The following GPC6 variants were observed in gnomAD, a reference collection of about 807,000 sequenced individuals.
The protein encoded by GPC6 is glypican 6.
In GPC6, 14 loss-of-function variants were observed where a neutral mutation model predicts 55.2. The observed-to-expected ratio is 0.25, with a 90% CI of 0.17 to 0.40. The LOEUF is 0.40. GPC6 is among the 10% of genes least tolerant of loss of function. The probability of loss-of-function intolerance (pLI) is 1.00; values close to 1 mark genes in which losing one functional copy is unlikely to be tolerated. For synonymous variants in GPC6, 278 were observed against 259.6 expected, an observed-to-expected ratio of 1.07 and a Z score of -0.68; for missense variants, 641 against 708.5, an observed-to-expected ratio of 0.90 and a Z score of 1.08.
chr13:94,384,341 C>A (rs901080881), intron 7 of GPC6, among the ~76,000 whole-genome samples: 103 of 152,252 alleles, frequency 6.8e-4, no homozygotes, highest in Non-Finnish European at 1.6e-4. Context: ...GTGTATTTTC[C>A]CGATGACTGT....
At chr13:93,484,159 A>G (rs1406291432) in intron 1 of GPC6, among the ~76,000 whole-genome samples, 1 of 100,322 alleles carries the variant, frequency 1.0e-5, no homozygotes, top group East Asian at 2.0e-4. Context: ...CCATAGCAAC[A>G]GTTTTTTTGG....
chr13:94,373,852 T>C (rs1412778987), intron 6 of GPC6, among the ~76,000 whole-genome samples: 1 of 152,062 alleles, frequency 6.6e-6, no homozygotes, highest in Non-Finnish European at 1.5e-5. Flanking sequence ...CCCATCAGAC[T>C]AACAGCGGAT....
intron 1 of GPC6, among the ~76,000 whole-genome samples, chr13:93,275,042 C>T (rs558884656): frequency 6.6e-6 from 1 of 152,292 alleles, no homozygotes; most frequent in South Asian, 2.1e-4. Context: ...TTCCAGCCTA[C>T]TGAATTTAAG....
At chr13:94,074,089 A>T (rs1884828059) in intron 4 of GPC6, among the ~76,000 whole-genome samples, 1 of 152,234 alleles carries the variant, frequency 6.6e-6, no homozygotes, top group African/African-American at 2.4e-5. Flanking sequence ...ATATTTTCTC[A>T]GAAGTACAAA....
At position 93,830,360 on chromosome 13, in the gene GPC6, A is replaced by T. The variant is rs1340401301; in HGVS notation, c.526A>T (p.Ile176Leu). ...ARLLERMFQL[I>L]NPQYHFSEDY... ...GCTCCTGGAACGGATGTTTCAGCTG[A>T]TAAACCCTCAGTATCACTTCAGTGA... Residue 176 changes from isoleucine to leucine, a missense_variant, in exon 3 of 9, where the codon ATA becomes TTA. Physicochemically the swap from Ile to Leu is conservative, Grantham distance 5 (BLOSUM62 2). Transcript: ENST00000377047. 1 of 1,613,818 alleles carries T rather than the reference A, an allele frequency of 6.2e-7. No homozygotes were observed.
intron 1 of GPC6, among the ~76,000 whole-genome samples, chr13:93,376,593 G>A (rs1464312448): frequency 1.3e-5 from 2 of 152,188 alleles, no homozygotes; most frequent in East Asian, 1.9e-4. Context: ...AGACAGACAA[G>A]GCTTGAAAGA....
chr13:94,044,202 T>C (rs9584180), intron 4 of GPC6, among the ~76,000 whole-genome samples: 3,677 of 152,004 alleles, frequency 0.024, 148 homozygotes, highest in African/African-American at 0.084. Context: ...ATCTTTCCTG[T>C]ACTTCTTTTG....
chr13:93,464,876 G>C (rs1878848491), intron 1 of GPC6, among the ~76,000 whole-genome samples: 1 of 152,150 alleles, frequency 6.6e-6, no homozygotes, highest in South Asian at 2.1e-4. Context: ...TAAATAATAA[G>C]ACTTGAAAGT....
Position 93,631,923 on chromosome 13 carries a change from T to A in GPC6, c.319+86502T>A, listed in dbSNP as rs74111513. Among the ~76,000 whole-genome samples, 152 of 152,350 alleles carry A rather than the reference T, an allele frequency of 1.0e-3. 1 individual carries two copies. Among genetic ancestry groups the A allele is most frequent in the African/African-American group, 3.5e-3 (146 of 41,594 alleles). On this transcript the variant is annotated intron_variant, in intron 2 of 8. Coordinates refer to ENST00000377047, the MANE Select transcript of GPC6 (RefSeq NM_005708.5). Reference sequence around the variant, plus strand: ...CTGGGATTTTCTTGGGTAAACATCATCAGCAAGCTTGTTTCTCTATCATGT... The same window carrying A: ...CTGGGATTTTCTTGGGTAAACATCAACAGCAAGCTTGTTTCTCTATCATGT...
chr13:93,918,286 T>C (rs988964030), intron 3 of GPC6, among the ~76,000 whole-genome samples: 2 of 152,168 alleles, frequency 1.3e-5, no homozygotes, highest in African/African-American at 4.8e-5. Flanking sequence ...TTTAAAGGAC[T>C]TAAGATTACC....
At chr13:94,355,605 CA>C (rs1261612465) in intron 6 of GPC6, among the ~76,000 whole-genome samples, 1 of 152,072 alleles carries the variant, frequency 6.6e-6, no homozygotes, top group African/African-American at 2.4e-5. Flanking sequence ...CTATTAATAT[CA>C]ATCTAAATGT....
At chr13:94,034,200 AGAAGGAAG>A (rs575821539) in intron 4 of GPC6, among the ~76,000 whole-genome samples, 6,395 of 72,350 alleles carry the variant, frequency 0.088, 184 homozygotes, top group Non-Finnish European at 0.11. Context: ...AAAGAAAGAA[AGAAGGAAG>A]GAAGGAAGGA....
rs1232196403 is a variant in GPC6 at position 94,405,182 on chromosome 13, C to G, written c.*1965C>G. 6.6e-6 allele frequency: 1 copy of G among 152,150 alleles called. No homozygotes were observed. Among genetic ancestry groups the G allele is most frequent in the African/African-American group, 2.4e-5 (1 of 41,434 alleles). The allele number at this position is 152,150 out of a possible 1,614,324, so 9.4% of individuals were successfully genotyped here. ...ACAAGCATCTATTGCTACTTTATGCCTAATGAAATATAAAATGTAGGATGA... is the reference window on the plus strand; with the variant it reads ...ACAAGCATCTATTGCTACTTTATGCGTAATGAAATATAAAATGTAGGATGA... On this transcript the variant is annotated 3_prime_UTR_variant, in exon 9 of 9. Coordinates refer to ENST00000377047, the MANE Select transcript of GPC6 (RefSeq NM_005708.5).
chr13:93,237,412 C>T (rs11839597), intron 1 of GPC6, among the ~76,000 whole-genome samples: 14 of 151,820 alleles, frequency 9.2e-5, no homozygotes, highest in African/African-American at 2.4e-4. Flanking sequence ...CTTTTTAATG[C>T]GATTATTCAT....
intron 2 of GPC6, among the ~76,000 whole-genome samples, chr13:93,575,591 G>T (rs1876620558): frequency 1.3e-5 from 2 of 152,146 alleles, no homozygotes; most frequent in Admixed American, 1.3e-4. Context: ...AGCCAATTTA[G>T]TAGTATTAGG....
intron 1 of GPC6, among the ~76,000 whole-genome samples, chr13:93,390,983 A>G (rs2139217582): frequency 6.6e-6 from 1 of 151,944 alleles, no homozygotes; most frequent in Non-Finnish European, 1.5e-5. Context: ...AATAAATACT[A>G]TGTGTCTTTT....
intron 2 of GPC6, among the ~76,000 whole-genome samples, chr13:93,666,361 A>C (rs1015517629): frequency 9.2e-4 from 140 of 152,266 alleles, no homozygotes; most frequent in African/African-American, 3.2e-3. Flanking sequence ...AAAAAGGTCA[A>C]ATGAATTCCA....
rs749393389 is a variant in GPC6 at position 93,523,013 on chromosome 13, ATAT to A, written c.161-22249_161-22247del. Among the ~76,000 whole-genome samples the A allele has an allele frequency of 8.8e-3, 1,306 of 148,876 alleles. 15 individuals carry two copies. The highest frequency in any genetic ancestry group is 0.013 in the Non-Finnish European group (853 of 67,162). On this transcript the variant is annotated intron_variant, in intron 1 of 8. Coordinates refer to ENST00000377047, the MANE Select transcript of GPC6 (RefSeq NM_005708.5). Reference sequence around the variant, plus strand: ...TGGATCAAAAAGAAAGAGGGAAAAAATATATATATATATATATACAAATACATA... The same window carrying A: ...TGGATCAAAAAGAAAGAGGGAAAAAAATATATATATATATACAAATACATA...
At chr13:93,744,181 T>C (rs1884305927) in intron 2 of GPC6, among the ~76,000 whole-genome samples, 1 of 152,194 alleles carries the variant, frequency 6.6e-6, no homozygotes, top group Admixed American at 6.5e-5. Flanking sequence ...GTTAACATTG[T>C]TGACCTTTCC....
Sources: allele counts gnomAD v4.1 joint callset (sites outside exome capture counted in the v4.1 genomes callset), GRCh38; gene constraint gnomAD v4.1.1; transcripts MANE v1.5; gene names NCBI Gene and HGNC (gene_info 2026-07-23, HGNC 2026-07-21).